EPHA7: variants seen among roughly 807,000 people sequenced by gnomAD.
EPHA7 encodes the protein EPH receptor A7.
Under a neutral mutation model 112.6 loss-of-function variants are expected in EPHA7, and 25 were observed. The ratio of observed to expected loss-of-function variants is 0.22; its 90% CI spans 0.16 to 0.31. The LOEUF (loss-of-function observed/expected upper bound fraction) is 0.31. EPHA7 is among the 10% of genes least tolerant of loss of function. EPHA7 has a pLI of 1.00. For synonymous variants in EPHA7, 437 were observed against 406.5 expected (o/e 1.07, Z -0.90); for missense variants, 962 against 1,212.6 (o/e 0.79, Z 3.07).
At chr6:93,263,100 G>C (rs73530345) in intron 9 of EPHA7, among the ~76,000 whole-genome samples, 218 of 151,258 alleles carry the variant, frequency 1.4e-3, no homozygotes, top group African/African-American at 5.0e-3. Flanking sequence ...ATTAAAAATG[G>C]GGAAAATAGG....
intron 3 of EPHA7, among the ~76,000 whole-genome samples, chr6:93,366,916 T>G (rs1194616125): frequency 6.6e-6 from 1 of 151,594 alleles, no homozygotes; most frequent in Non-Finnish European, 1.5e-5. Flanking sequence ...AGGTTTACTC[T>G]GAGAGTTCAC....
intron 9 of EPHA7, 75 bp from the exon 10 acceptor site, chr6:93,259,554 T>G (rs1380926095): frequency 1.3e-6 from 2 of 1,558,622 alleles, no homozygotes; most frequent in Non-Finnish European, 1.8e-6. Context: ...AATTTCATTA[T>G]GCAGAGTGCT....
At chr6:93,352,563 T>C (rs1163523630) in intron 5 of EPHA7, among the ~76,000 whole-genome samples, 1 of 152,148 alleles carries the variant, frequency 6.6e-6, no homozygotes, top group Non-Finnish European at 1.5e-5. Flanking sequence ...CCCAATGTTG[T>C]TCTACAACAT....
At chr6:93,256,543 A>G (rs1770447562) in intron 12 of EPHA7, among the ~76,000 whole-genome samples, 1 of 152,110 alleles carries the variant, frequency 6.6e-6, no homozygotes, top group Non-Finnish European at 1.5e-5. Flanking sequence ...CTTTGTTTCC[A>G]TTTCATTTTT....
intron 5 of EPHA7, among the ~76,000 whole-genome samples, chr6:93,289,371 T>C (rs565244459): frequency 6.6e-6 from 1 of 152,224 alleles, no homozygotes; most frequent in Non-Finnish European, 1.5e-5. Context: ...AACAATGAAT[T>C]ACAACTATTA....
At chr6:93,359,644 T>C (rs1776141307) in intron 3 of EPHA7, among the ~76,000 whole-genome samples, 1 of 152,074 alleles carries the variant, frequency 6.6e-6, no homozygotes, top group Non-Finnish European at 1.5e-5. Flanking sequence ...TGAGATGTCA[T>C]AGTTTCCAGA....
chr6:93,330,668 T>A (rs917452690), intron 5 of EPHA7, among the ~76,000 whole-genome samples: 14 of 151,294 alleles, frequency 9.3e-5, no homozygotes, highest in Non-Finnish European at 1.9e-4. Flanking sequence ...ATACCACATT[T>A]AAAAAATCTA....
intron 6 of EPHA7, among the ~76,000 whole-genome samples, chr6:93,271,678 A>G (rs1215763084): frequency 6.6e-6 from 1 of 151,918 alleles, no homozygotes; most frequent in Non-Finnish European, 1.5e-5. Context: ...TAGGTGGATT[A>G]AAAAGGCAGC....
At chr6:93,283,478 T>G (rs1424628331) in intron 5 of EPHA7, among the ~76,000 whole-genome samples, 1 of 152,134 alleles carries the variant, frequency 6.6e-6, no homozygotes, top group Non-Finnish European at 1.5e-5. Flanking sequence ...CTCACTCTTT[T>G]GGGTCCACAT....
chr6:93,272,722 T>C (rs1771287327), intron 5 of EPHA7, among the ~76,000 whole-genome samples: 1 of 151,940 alleles, frequency 6.6e-6, no homozygotes, highest in Non-Finnish European at 1.5e-5. Context: ...TAATTAAGGC[T>C]AGAAAATATG....
At chr6:93,414,497 G>GT (rs933878985) in intron 2 of EPHA7, among the ~76,000 whole-genome samples, 12 of 141,126 alleles carry the variant, frequency 8.5e-5, no homozygotes, top group African/African-American at 1.6e-4. Context: ...TGGCTATGAG[G>GT]TTTTTTTTCC....
chr6:93,342,364 A>T (rs1246334059), intron 5 of EPHA7, among the ~76,000 whole-genome samples: 3 of 151,844 alleles, frequency 2.0e-5, no homozygotes, highest in African/African-American at 7.2e-5. Flanking sequence ...TTAGGACCAT[A>T]GTTACAAACA....
At chr6:93,405,838 TA>T in intron 3 of EPHA7, among the ~76,000 whole-genome samples, 1 of 137,172 alleles carries the variant, frequency 7.3e-6, no homozygotes, top group African/African-American at 2.6e-5. Context: ...TATATATATA[TA>T]TATATATATA....
At chr6:93,317,106 C>G (rs1374992155) in intron 5 of EPHA7, among the ~76,000 whole-genome samples, 1 of 152,118 alleles carries the variant, frequency 6.6e-6, no homozygotes, top group East Asian at 1.9e-4. Flanking sequence ...TTTCTTTCTT[C>G]TAGGATGCAA....
At chr6:93,285,678 C>A (rs1423456194) in intron 5 of EPHA7, among the ~76,000 whole-genome samples, 1 of 151,968 alleles carries the variant, frequency 6.6e-6, no homozygotes, top group African/African-American at 2.4e-5. Flanking sequence ...ATTCTGATAT[C>A]TCTTAGCCAA....
In EPHA7 at chr6:93,243,312, C is replaced by T. The variant is rs1438775916; in HGVS notation, c.*114G>A. On this transcript the variant is annotated 3_prime_UTR_variant, in exon 17 of 17. Coordinates refer to ENST00000369303, the MANE Select transcript of EPHA7 (RefSeq NM_004440.4). ...AGGTGCTTCTTAAATCTTCTCTTCA[C>T]TGTTGGAAGGACCCAGGACATCACT... 2.9e-6 allele frequency: 2 copies of T among 683,162 alleles called. No individual in the cohort carries two copies. The highest frequency in any genetic ancestry group is 4.9e-6 in the Non-Finnish European group (2 of 408,160). 42.3% of individuals were successfully genotyped at this position (683,162 alleles called of 1,614,324 possible).
intron 5 of EPHA7, among the ~76,000 whole-genome samples, chr6:93,308,731 T>G (rs1023257263): frequency 6.6e-6 from 1 of 152,002 alleles, no homozygotes; most frequent in Non-Finnish European, 1.5e-5. Context: ...TATACTAACA[T>G]ACTAAGTGAA....
At chr6:93,276,384 T>C (rs1290871298) in intron 5 of EPHA7, among the ~76,000 whole-genome samples, 2 of 151,952 alleles carry the variant, frequency 1.3e-5, no homozygotes, top group South Asian at 4.2e-4. Flanking sequence ...AATCAATAAT[T>C]CAGTCCTATC....
intron 5 of EPHA7, among the ~76,000 whole-genome samples, chr6:93,311,176 T>C (rs1773522890): frequency 6.8e-6 from 1 of 146,242 alleles, no homozygotes; most frequent in Admixed American, 6.9e-5. Context: ...GTTACTCAGG[T>C]TGGTCTTGAA....
Sources: allele counts gnomAD v4.1 joint callset (sites outside exome capture counted in the v4.1 genomes callset), GRCh38; gene constraint gnomAD v4.1.1; transcripts MANE v1.5; gene names NCBI Gene and HGNC (gene_info 2026-07-23, HGNC 2026-07-21).